E2F8: variants seen among roughly 807,000 people sequenced by gnomAD.
E2F8 encodes E2F transcription factor 8.
Under a neutral mutation model 80.8 loss-of-function variants are expected in E2F8, and 35 were observed. The ratio of observed to expected loss-of-function variants is 0.43; its 90% confidence interval spans 0.33 to 0.57. The LOEUF (loss-of-function observed/expected upper bound fraction) is 0.57, where lower values mean the gene tolerates loss of function less well. E2F8 is among the 20% of genes least tolerant of loss of function. The pLI, the probability that E2F8 is intolerant of heterozygous loss-of-function variation, is 0.04. For synonymous variants in E2F8, 386 were observed against 395.0 expected (o/e 0.98, Z 0.27); for missense variants, 975 against 1,056.2 (o/e 0.92, Z 1.07).
At position 19,234,393 on chromosome 11, in the gene E2F8, G is replaced by T; in HGVS notation, c.895C>A (p.His299Asn). 1 of 1,614,090 alleles carries T rather than the reference G, an allele frequency of 6.2e-7. No homozygotes were observed. The highest frequency in any genetic ancestry group is 8.5e-7 in the Non-Finnish European group (1 of 1,180,014). The change falls in exon 6 of 13, where the codon CAT (histidine) becomes AAT (asparagine). Residue 299 changes from histidine (H) to asparagine (N), a missense_variant. Coordinates refer to ENST00000250024, the MANE Select transcript of E2F8 (RefSeq NM_024680.4). ...VAAKILIGED[H>N]VEDLDKSKFK... The stretch of plus-strand genomic sequence containing the variant: ...TTGCTTTTATCCAAATCTTCCACAT[G>T]GTCCTCCCCAATTAAAATCTTGGCA...
At position 19,225,743 on chromosome 11, in the gene E2F8, G is replaced by T; in HGVS notation, c.2015C>A (p.Ser672Tyr). The part of the protein sequence containing the change: ...ALSPNHRIYS[S>Y]PIAGVIPVTS... ...TTATGTGCACTCACCTGCAATTGGG[G>T]AGCTGTAAATCCTGTGGTTTGGGGA... Residue 672 changes from serine (S) to tyrosine (Y), a missense_variant, in exon 11 of 13, where the codon TCC (serine) becomes TAC (tyrosine). Physicochemically the swap from Ser to Tyr is moderately radical, Grantham distance 144. Coordinates refer to ENST00000250024, the MANE Select transcript of E2F8 (RefSeq NM_024680.4). 1 of 1,614,202 alleles carries T rather than the reference G, an allele frequency of 6.2e-7. No individual in the cohort carries two copies. The highest frequency in any genetic ancestry group is 8.5e-7 in the Non-Finnish European group (1 of 1,180,038).
At chr11:19,226,617 C>T (rs952251542) in intron 10 of E2F8, among the ~76,000 whole-genome samples, 1 of 152,220 alleles carries the variant, frequency 6.6e-6, no homozygotes, top group African/African-American at 2.4e-5. Flanking sequence ...CAATCATACT[C>T]ATTCATTTAT....
chr11:19,232,464 T>TACTCAGAACATTAG, intron 6 of E2F8, 93 bp from the exon 7 acceptor site: 2 of 1,062,566 alleles, frequency 1.9e-6, no homozygotes, highest in Non-Finnish European at 2.7e-6. Context: ...CTAAGAGCTG[T>TACTCAGAACATTAG]CTTAACCATC....
rs774242851 is a variant in E2F8 at position 19,225,289 on chromosome 11, A to T, written c.2353T>A (p.Tyr785Asn). The T allele has an allele frequency of 6.2e-7, 1 of 1,614,154 alleles. No homozygotes were observed. ...CTCTGGCCTGGGACTGGTGAGTCAT[A>T]GTTGGTGGCCCTTCCTTGCTGAGTG... Reference protein sequence around the residue: ...AGTQQGRATNYDSPVPGQSQP... With the variant: ...AGTQQGRATNNDSPVPGQSQP... Residue 785 changes from tyrosine to asparagine, a missense_variant, in exon 12 of 13, where the codon TAT becomes AAT. Coordinates refer to ENST00000250024, the MANE Select transcript of E2F8 (RefSeq NM_024680.4).
chr11:19,224,887 G>C, intron 12 of E2F8, 47 bp from the exon 13 acceptor site: 1 of 1,598,636 alleles, frequency 6.3e-7, no homozygotes, highest in Non-Finnish European at 8.6e-7. Context: ...CCACACACAG[G>C]TACATAGTCT....
At chr11:19,228,429 A>G (rs1851288919) in intron 10 of E2F8, among the ~76,000 whole-genome samples, 2 of 152,268 alleles carry the variant, frequency 1.3e-5, no homozygotes, top group Admixed American at 1.3e-4. Context: ...AACACGTCTT[A>G]AAAGGATCAA....
chr11:19,226,295 C>T (rs1851235669), intron 10 of E2F8, among the ~76,000 whole-genome samples: 1 of 152,240 alleles, frequency 6.6e-6, no homozygotes, highest in African/African-American at 2.4e-5. Context: ...GGGTTGCAAA[C>T]AGGCATTACC....
At chr11:19,241,185 C>G (rs564374872), upstream of E2F8, among the ~76,000 whole-genome samples, 7 of 152,330 alleles carry the variant, frequency 4.6e-5, no homozygotes, top group Admixed American at 1.3e-4. The surrounding 1 kb of genome is among the most constrained non-coding windows in gnomAD (Gnocchi z 4.5). Context: ...CCCTTAGCTG[C>G]GCGGGGCCTG....
chr11:19,237,523 T>A, intron 3 of E2F8, 53 bp from the exon 4 acceptor site: 1 of 1,566,968 alleles, frequency 6.4e-7, no homozygotes, highest in Non-Finnish European at 8.7e-7. Flanking sequence ...TCTGACAGAT[T>A]TATTAGGGGC....
chr11:19,237,261 C>A, intron 4 of E2F8, 53 bp downstream of exon 4: 1 of 1,577,800 alleles, frequency 6.3e-7, no homozygotes, highest in Non-Finnish European at 8.7e-7. Flanking sequence ...GGAGTTAAGT[C>A]CATAAAGCCA....
upstream of E2F8, among the ~76,000 whole-genome samples, chr11:19,241,201 G>C (rs943420444): frequency 5.3e-5 from 8 of 152,192 alleles, no homozygotes; most frequent in East Asian, 7.7e-4. The surrounding 1 kb of genome is among the most constrained non-coding windows in gnomAD (Gnocchi z 4.5). Flanking sequence ...GCCTGAGCGC[G>C]GGCAAACCCG....
At position 19,229,662 on chromosome 11, in the gene E2F8, G is replaced by A; in HGVS notation, c.1685C>T (p.Thr562Ile). The change falls in exon 10 of 13, where the codon ACC (threonine) becomes ATC (isoleucine). Residue 562 changes from threonine (T) to isoleucine (I), a missense_variant. By Grantham distance (89) the Thr-to-Ile change is moderately conservative (BLOSUM62 -1). Transcript: ENST00000250024. The surrounding 1 kb of genome is among the most constrained non-coding windows in gnomAD (Gnocchi z 4.3). ...ATGSKDSTDA[T>I]TEKAANDTSK... ...GGTATCATTGGCTGCCTTCTCAGTG[G>A]TGGCATCTGTGGAGTCTTTTGAGCC... 6.2e-7 allele frequency: 1 copy of A among 1,614,216 alleles called. No individual in the cohort carries two copies. The highest frequency in any genetic ancestry group is 8.5e-7 in the Non-Finnish European group (1 of 1,180,052).
intron 10 of E2F8, among the ~76,000 whole-genome samples, chr11:19,226,737 C>T (rs1056598424): frequency 7.9e-5 from 12 of 152,278 alleles, no homozygotes; most frequent in Non-Finnish European, 8.8e-5. Context: ...CTTTAAAGAA[C>T]GTTTGCTGGC....
In E2F8 at chr11:19,225,340, C is replaced by G. The variant is rs999334087; in HGVS notation, c.2302G>C (p.Val768Leu). The change falls in exon 12 of 13, where the codon GTT (valine) becomes CTT (leucine). Residue 768 changes from valine (V) to leucine (L), a missense_variant. Physicochemically the swap from Val to Leu is conservative, Grantham distance 32. Coordinates refer to ENST00000250024, the MANE Select transcript of E2F8 (RefSeq NM_024680.4). ...CCTGCATTTTCTGGTGCGACATTAA[C>G]AGACTCTATTCTTGGAGACACAGGA... ...IVPVSPRIES[V>L]NVAPENAGTQ... 4 of 1,614,170 alleles carry G rather than the reference C, an allele frequency of 2.5e-6. No homozygotes were observed. The highest frequency in any genetic ancestry group is 2.2e-5 in the East Asian group (1 of 44,874).
Position 19,240,128 on chromosome 11 carries a change from A to G in E2F8, c.-7T>C. 6.6e-7 allele frequency: 1 copy of G among 1,521,494 alleles called. No homozygotes were observed. Among genetic ancestry groups the G allele is most frequent in the Non-Finnish European group, 8.9e-7 (1 of 1,129,588 alleles). 94.2% of individuals were successfully genotyped at this position (1,521,494 alleles called of 1,614,324 possible). On this transcript the variant is annotated 5_prime_UTR_variant, in exon 2 of 13. Transcript: ENST00000250024. ...GTACCTTTTCGTTCTCCATTCTGTA[A>G]ATTCCTCATACATTTAGAGTTTAAA... is the stretch of plus-strand genomic sequence containing the variant.
intron 3 of E2F8, 51 bp from the exon 4 acceptor site, chr11:19,237,521 A>G (rs185216763): frequency 6.4e-7 from 1 of 1,569,412 alleles, no homozygotes; most frequent in Non-Finnish European, 8.7e-7. Flanking sequence ...AGTCTGACAG[A>G]TTTATTAGGG....
rs1244837406 is a variant in E2F8, at chr11:19,229,925, A to C, written c.1422T>G (p.Pro474=). 5 of 1,613,886 alleles carry C rather than the reference A, an allele frequency of 3.1e-6. No homozygotes were observed. Among genetic ancestry groups the C allele is most frequent in the Middle Eastern group, 1.6e-4 (1 of 6,064 alleles). The change falls in exon 10 of 13, where the codon CCT becomes CCG. Residue 474 remains proline (P), a synonymous_variant. Coordinates refer to ENST00000250024, the MANE Select transcript of E2F8 (RefSeq NM_024680.4). The surrounding 1 kb of genome is among the most constrained non-coding windows in gnomAD (Gnocchi z 4.3). ...ARSGPCKPVA[P]LDPPVNAEME... ...TCTCAGCATTCACTGGGGGGTCCAG[A>C]GGGGCTACTGGTTTGCAGGGTCCAG...
At chr11:19,238,830 C>T (rs1192716556) in intron 2 of E2F8, among the ~76,000 whole-genome samples, 2 of 152,124 alleles carry the variant, frequency 1.3e-5, no homozygotes, top group African/African-American at 4.8e-5. Context: ...TAGGTTGGTG[C>T]AAAAGTAATT....
At chr11:19,236,251 G>T (rs1851514151) in intron 4 of E2F8, among the ~76,000 whole-genome samples, 1 of 152,028 alleles carries the variant, frequency 6.6e-6, no homozygotes, top group Non-Finnish European at 1.5e-5. Context: ...TCAAGTCCTT[G>T]CCCAGATGTC....
Sources: allele counts gnomAD v4.1 joint callset (sites outside exome capture counted in the v4.1 genomes callset), GRCh38; gene constraint gnomAD v4.1.1; non-coding constraint Gnocchi (gnomAD v3.1); transcripts MANE v1.5; gene names NCBI Gene and HGNC (gene_info 2026-07-23, HGNC 2026-07-21).